ZHX2: variants seen among roughly 807,000 people sequenced by gnomAD.
The protein encoded by ZHX2 is zinc fingers and homeoboxes protein 2.
A neutral mutation model predicts 21.9 loss-of-function variants in ZHX2; 6 were observed. The ratio of observed to expected loss-of-function variants is 0.27; its 90% CI spans 0.15 to 0.54. ZHX2 has a LOEUF of 0.54. Ranked by LOEUF, ZHX2 falls within the 20% of genes least tolerant of loss-of-function variation. The probability of loss-of-function intolerance (pLI) is 0.95; values close to 1 mark genes in which losing one functional copy is unlikely to be tolerated. For missense variants in ZHX2, 908 were observed against 1,090.7 expected (o/e 0.83, Z 2.36); for synonymous variants, 434 against 437.1 (o/e 0.99, Z 0.09).
chr8:122,807,667 C>T (rs1306138836), intron 1 of ZHX2: 4 of 152,250 alleles, frequency 2.6e-5, no homozygotes, highest in Admixed American at 1.3e-4. Context: ...CCAGGCTGGC[C>T]GCATACAAAT....
chr8:122,955,092 G>A (rs958179468), intron 3 of ZHX2, among the ~76,000 whole-genome samples: 19 of 149,958 alleles, frequency 1.3e-4, no homozygotes, highest in South Asian at 2.1e-4. Flanking sequence ...GTGGCAGGGC[G>A]GTTTCCATGG....
chr8:122,973,718 C>G lies in ZHX2; in HGVS notation c.*481C>G, dbSNP rs942439989. The G allele has an allele frequency of 1.3e-5, 2 of 152,322 alleles. No homozygotes were observed. Among genetic ancestry groups the G allele is most frequent in the Non-Finnish European group, 2.9e-5 (2 of 68,000 alleles). 9.4% of individuals were successfully genotyped at this position (152,322 alleles called of 1,614,324 possible). On this transcript the variant is annotated 3_prime_UTR_variant, in exon 4 of 4. Coordinates refer to ENST00000314393, the MANE Select transcript of ZHX2 (RefSeq NM_014943.5). Reference sequence around the variant, plus strand: ...GGTGTTAGCATTAGTGCCATGATATCTACTGGATTTTAAGTAGGGAGACTT... The same window carrying G: ...GGTGTTAGCATTAGTGCCATGATATGTACTGGATTTTAAGTAGGGAGACTT...
At chr8:122,783,016 C>A (rs1817324207) in intron 1 of ZHX2, among the ~76,000 whole-genome samples, 1 of 152,148 alleles carries the variant, frequency 6.6e-6, no homozygotes, top group African/African-American at 2.4e-5. Flanking sequence ...ACAGGACGGT[C>A]CCTTTGGCCT....
intron 2 of ZHX2, among the ~76,000 whole-genome samples, chr8:122,925,990 C>G (rs1820843271): frequency 6.6e-6 from 1 of 152,026 alleles, no homozygotes; most frequent in Non-Finnish European, 1.5e-5. Context: ...GAGATGACAG[C>G]CCAGATTTAC....
intron 2 of ZHX2, among the ~76,000 whole-genome samples, chr8:122,896,199 C>A (rs1375510150): frequency 6.6e-6 from 1 of 151,992 alleles, no homozygotes; most frequent in Non-Finnish European, 1.5e-5. Flanking sequence ...TGACTCTAGA[C>A]CTTCCTATAG....
At position 122,969,004 on chromosome 8, in the gene ZHX2, C is replaced by CA. The variant is rs1813653303; in HGVS notation, c.*5-4233dup. 3.3e-5 allele frequency among the ~76,000 whole-genome samples: 5 copies of CA among 151,820 alleles called. No homozygotes were observed. In the South Asian group the frequency reaches 1.0e-3, roughly 32 times the overall value. ...TGAAATCCCACCTGTACTAAAAATA[C>CA]AAAAATTAGAGCCGGGTGTGGTGGC... On this transcript the variant is annotated intron_variant, in intron 3 of 3. Transcript: ENST00000314393.
intron 1 of ZHX2, among the ~76,000 whole-genome samples, chr8:122,848,989 C>T (rs73712876): frequency 2.0e-5 from 3 of 152,342 alleles, no homozygotes; most frequent in African/African-American, 4.8e-5. Flanking sequence ...AGGGTCTCTT[C>T]GCGGCTGCTT....
intron 2 of ZHX2, among the ~76,000 whole-genome samples, chr8:122,868,065 C>A (rs1485899917): frequency 1.3e-5 from 2 of 152,144 alleles, no homozygotes; most frequent in African/African-American, 2.4e-5. Context: ...GGACGAATGT[C>A]TTTGTGACAC....
At chr8:122,907,184 T>C (rs1324601345) in intron 2 of ZHX2, among the ~76,000 whole-genome samples, 1 of 152,162 alleles carries the variant, frequency 6.6e-6, no homozygotes, top group Non-Finnish European at 1.5e-5. Context: ...GGCAAAACTT[T>C]CCTCAACCTT....
intron 1 of ZHX2, among the ~76,000 whole-genome samples, chr8:122,817,777 G>A (rs1192702382): frequency 6.6e-6 from 1 of 152,224 alleles, no homozygotes; most frequent in East Asian, 1.9e-4. Flanking sequence ...ACAGGAGCCA[G>A]CTGGAGGCTA....
At position 122,953,111 on chromosome 8, in the gene ZHX2, AAG is replaced by A; in HGVS notation, c.1605_1606del (p.Lys536AsnfsTer6). On this transcript the variant is annotated frameshift_variant, in exon 3 of 4. Coordinates refer to ENST00000314393, the MANE Select transcript of ZHX2 (RefSeq NM_014943.5). LOFTEE classifies it low-confidence loss of function (END_TRUNC). The surrounding 1 kb of genome is among the most constrained non-coding windows in gnomAD (Gnocchi z 4.6). ...CCAGACTTTGCCCCCCAGAAGTTCAAAGAGAAAACACAGGGTCAGGTTAAAAT... is the reference window on the plus strand; with the variant it reads ...CCAGACTTTGCCCCCCAGAAGTTCAAAGAAAACACAGGGTCAGGTTAAAAT... The A allele has an allele frequency of 6.2e-7, 1 of 1,613,900 alleles. No homozygotes were observed. Among genetic ancestry groups the A allele is most frequent in the Non-Finnish European group, 8.5e-7 (1 of 1,180,026 alleles).
intron 1 of ZHX2, among the ~76,000 whole-genome samples, chr8:122,834,179 G>A (rs1424251164): frequency 2.0e-5 from 3 of 152,116 alleles, no homozygotes; most frequent in South Asian, 4.2e-4. Flanking sequence ...ATAACATACC[G>A]GCCCACCTGC....
At chr8:122,906,935 T>C (rs1203600837) in intron 2 of ZHX2, among the ~76,000 whole-genome samples, 1 of 152,058 alleles carries the variant, frequency 6.6e-6, no homozygotes, top group Non-Finnish European at 1.5e-5. Flanking sequence ...CCTCCCAAAG[T>C]GCTGGGATTA....
intron 3 of ZHX2, among the ~76,000 whole-genome samples, chr8:122,965,569 A>G (rs983370581): frequency 6.6e-6 from 1 of 152,180 alleles, no homozygotes; most frequent in Non-Finnish European, 1.5e-5. Flanking sequence ...GTGGCCTATC[A>G]TATGGTCTGT....
At chr8:122,912,426 C>T (rs769298873) in intron 2 of ZHX2, among the ~76,000 whole-genome samples, 48 of 152,276 alleles carry the variant, frequency 3.2e-4, no homozygotes, top group Admixed American at 1.7e-3. Flanking sequence ...CTCTATGTGA[C>T]GCCTTGGCCA....
intron 2 of ZHX2, among the ~76,000 whole-genome samples, chr8:122,927,199 A>G (rs1820879581): frequency 6.6e-6 from 1 of 152,202 alleles, no homozygotes; most frequent in African/African-American, 2.4e-5. Context: ...TGCTGCTAAT[A>G]AAGATATACC....
At chr8:122,832,905 T>C (rs1455291545) in intron 1 of ZHX2, among the ~76,000 whole-genome samples, 1 of 152,084 alleles carries the variant, frequency 6.6e-6, no homozygotes, top group African/African-American at 2.4e-5. Context: ...GCAGTCCCTT[T>C]GAGAGGGGCT....
At chr8:122,857,533 T>C (rs745972610) in intron 1 of ZHX2, among the ~76,000 whole-genome samples, 4 of 151,938 alleles carry the variant, frequency 2.6e-5, no homozygotes, top group Non-Finnish European at 4.4e-5. Context: ...GATATCAAGC[T>C]GCATCTACAC....
At chr8:122,903,654 T>G (rs1306027984) in intron 2 of ZHX2, among the ~76,000 whole-genome samples, 1 of 152,180 alleles carries the variant, frequency 6.6e-6, no homozygotes, top group East Asian at 1.9e-4. Flanking sequence ...AGTTTGGGCT[T>G]TGGTCTACAG....
Sources: gnomAD v4.1 joint callset for allele counts (sites outside exome capture counted in the v4.1 genomes callset) on GRCh38, gnomAD v4.1.1 for gene constraint, Gnocchi (gnomAD v3.1) non-coding constraint, MANE v1.5 for transcripts, NCBI Gene and HGNC (gene_info 2026-07-23, HGNC 2026-07-21) for gene names.